The following PCNX1 variants were observed in gnomAD, a reference collection of about 807,000 sequenced individuals.
PCNX1 encodes pecanex-like protein 1.
In PCNX1, 78 loss-of-function variants were observed where a neutral mutation model predicts 242.2. The observed-to-expected ratio is 0.32, with a 90% CI of 0.27 to 0.39. PCNX1 has a LOEUF of 0.39. PCNX1 is among the 10% of genes least tolerant of loss of function. The pLI, the probability that PCNX1 is intolerant of heterozygous loss-of-function variation, is 1.00. For missense variants in PCNX1, 2,581 were observed against 2,856.5 expected, an observed-to-expected ratio of 0.90 and a Z score of 2.20; for synonymous variants, 1,024 against 1,032.9, an observed-to-expected ratio of 0.99 and a Z score of 0.17.
chr14:71,056,810 C>T (rs2061194383), intron 25 of PCNX1, among the ~76,000 whole-genome samples: 1 of 152,040 alleles, frequency 6.6e-6, no homozygotes, highest in Non-Finnish European at 1.5e-5. Flanking sequence ...TCCCATGTAG[C>T]TGGGATTACA....
At chr14:71,072,512 C>T (rs1373534832) in intron 26 of PCNX1, among the ~76,000 whole-genome samples, 1 of 152,164 alleles carries the variant, frequency 6.6e-6, no homozygotes, top group Non-Finnish European at 1.5e-5. Context: ...GCTATAAAAA[C>T]CTTTTTAGCC....
At chr14:71,065,983 T>TTGTTTTG (rs1555372547) in intron 26 of PCNX1, among the ~76,000 whole-genome samples, 2 of 152,296 alleles carry the variant, frequency 1.3e-5, no homozygotes, top group South Asian at 4.1e-4. Context: ...ATATCTGTTT[T>TTGTTTTG]GTACAAGTAC....
chr14:70,989,003 C>G (rs2059080019), intron 7 of PCNX1, among the ~76,000 whole-genome samples: 1 of 151,360 alleles, frequency 6.6e-6, no homozygotes, highest in Non-Finnish European at 1.5e-5. Context: ...TTTTTTCTCC[C>G]ACTCCAAATT....
intron 4 of PCNX1, 91 bp downstream of exon 4, chr14:70,968,334 G>GA (rs915878164): frequency 7.8e-5 from 56 of 713,756 alleles, no homozygotes; most frequent in Non-Finnish European, 1.2e-4. Context: ...CAAATGTAAT[G>GA]AAAAAAATCA....
At chr14:71,063,190 T>C (rs942863987) in intron 26 of PCNX1, among the ~76,000 whole-genome samples, 9 of 152,212 alleles carry the variant, frequency 5.9e-5, no homozygotes, top group African/African-American at 2.2e-4. Flanking sequence ...ACTTATTCTG[T>C]TAGGAACCAG....
chr14:70,979,540 G>A (rs2058776419), intron 6 of PCNX1, among the ~76,000 whole-genome samples: 1 of 152,018 alleles, frequency 6.6e-6, no homozygotes, highest in African/African-American at 2.4e-5. Context: ...TTTGTTGTTA[G>A]TACCTTAGCA....
chr14:70,930,129 G>A (rs1311797545), intron 1 of PCNX1, among the ~76,000 whole-genome samples: 1 of 151,964 alleles, frequency 6.6e-6, no homozygotes, highest in African/African-American at 2.4e-5. Context: ...GTGTGTATGT[G>A]TGTATGTGTT....
intron 27 of PCNX1, among the ~76,000 whole-genome samples, chr14:71,074,575 T>C (rs2061664560): frequency 1.3e-5 from 2 of 152,174 alleles, no homozygotes; most frequent in African/African-American, 4.8e-5. Context: ...CAGTGAAGCA[T>C]GGCTGTACTC....
intron 27 of PCNX1, among the ~76,000 whole-genome samples, chr14:71,074,712 C>G (rs1195979155): frequency 6.6e-6 from 1 of 152,140 alleles, no homozygotes; most frequent in Non-Finnish European, 1.5e-5. Flanking sequence ...CTGTGTGGCT[C>G]TAGGTCTCCA....
At chr14:71,077,433 G>A (rs1218634804) in intron 28 of PCNX1, among the ~76,000 whole-genome samples, 1 of 152,188 alleles carries the variant, frequency 6.6e-6, no homozygotes, top group Non-Finnish European at 1.5e-5. Flanking sequence ...TCATGGTCTA[G>A]GAGGTGCATA....
chr14:71,034,076 C>A, intron 18 of PCNX1, 40 bp downstream of exon 18: 2 of 1,078,786 alleles, frequency 1.9e-6, no homozygotes, highest in South Asian at 1.3e-5. Flanking sequence ...AGACTTAAAT[C>A]TTAGACAGTT....
chr14:71,036,767 T>C (rs1021637901), intron 19 of PCNX1, among the ~76,000 whole-genome samples: 1 of 152,268 alleles, frequency 6.6e-6, no homozygotes, highest in Non-Finnish European at 1.5e-5. Context: ...TCCGTAGTGC[T>C]GAAATACATG....
chr14:70,948,841 ATG>A (rs60734889), intron 2 of PCNX1, among the ~76,000 whole-genome samples: 5,195 of 148,252 alleles, frequency 0.035, 277 homozygotes, highest in African/African-American at 0.12. Context: ...TATAAATAAA[ATG>A]TATGTGTGTA....
intron 1 of PCNX1, among the ~76,000 whole-genome samples, chr14:70,934,565 T>A (rs968253982): frequency 6.6e-6 from 1 of 152,196 alleles, no homozygotes; most frequent in African/African-American, 2.4e-5. Context: ...ATTACAGTCA[T>A]AACCACTGGG....
intron 1 of PCNX1, among the ~76,000 whole-genome samples, chr14:70,917,867 C>T (rs2056212577): frequency 6.6e-6 from 1 of 152,242 alleles, no homozygotes; most frequent in South Asian, 2.1e-4. Flanking sequence ...CACCAAAAAT[C>T]TGTTGTTTGG....
At chr14:70,944,624 C>T (rs148302978) in intron 1 of PCNX1, among the ~76,000 whole-genome samples, 2,180 of 152,148 alleles carry the variant, frequency 0.014, 34 homozygotes, top group Non-Finnish European at 0.022. Flanking sequence ...GTTGGCAGCA[C>T]GTGATTGTGT....
chr14:70,974,599 C>T (rs1439854157), intron 5 of PCNX1, among the ~76,000 whole-genome samples: 2 of 152,122 alleles, frequency 1.3e-5, no homozygotes, highest in African/African-American at 2.4e-5. Flanking sequence ...GTGACATGAA[C>T]AACTTTGTGC....
chr14:70,982,912 C>T (rs959040013), intron 6 of PCNX1, among the ~76,000 whole-genome samples: 32 of 152,132 alleles, frequency 2.1e-4, no homozygotes, highest in Non-Finnish European at 4.3e-4. Flanking sequence ...GAATAATAAC[C>T]GTCTAGACCT....
At chr14:70,962,447 T>A in intron 3 of PCNX1, 116 bp downstream of exon 3, 1 of 611,698 alleles carries the variant, frequency 1.6e-6, no homozygotes, top group Non-Finnish European at 2.9e-6. Flanking sequence ...TTATTATTTT[T>A]AATTGCTTAT....
Sources: allele counts gnomAD v4.1 joint callset (sites outside exome capture counted in the v4.1 genomes callset), GRCh38; gene constraint gnomAD v4.1.1; transcripts MANE v1.5; gene names NCBI Gene and HGNC (gene_info 2026-07-23, HGNC 2026-07-21).